UNC5C: variants seen among roughly 807,000 people sequenced by gnomAD.
UNC5C encodes netrin receptor UNC5C.
Under a neutral mutation model 99.8 loss-of-function variants are expected in UNC5C, and 47 were observed. The ratio of observed to expected loss-of-function variants is 0.47; its 90% CI spans 0.37 to 0.60. The LOEUF is 0.60. UNC5C is among the 20% of genes least tolerant of loss of function. UNC5C has a pLI of 0.00. For missense variants in UNC5C, 1,062 were observed against 1,165.9 expected (o/e 0.91, Z 1.30); for synonymous variants, 487 against 452.2 (o/e 1.08, Z -0.98).
intron 3 of UNC5C, among the ~76,000 whole-genome samples, chr4:95,281,384 A>T (rs981791809): frequency 1.8e-4 from 28 of 152,192 alleles, no homozygotes; most frequent in Admixed American, 1.6e-3. Flanking sequence ...GCTTATGAAA[A>T]GCCTTTCTGT....
intron 1 of UNC5C, among the ~76,000 whole-genome samples, chr4:95,435,370 T>A (rs1746745871): frequency 6.6e-6 from 1 of 151,876 alleles, no homozygotes; most frequent in African/African-American, 2.4e-5. Context: ...CACAGCTAGG[T>A]TCACCGTCTT....
chr4:95,370,793 G>A (rs184024988), intron 1 of UNC5C, among the ~76,000 whole-genome samples: 2 of 152,302 alleles, frequency 1.3e-5, no homozygotes, highest in African/African-American at 4.8e-5. Context: ...CATAAGAAAA[G>A]CACTACATGA....
chr4:95,422,771 T>C (rs944250374), intron 1 of UNC5C, among the ~76,000 whole-genome samples: 4 of 152,186 alleles, frequency 2.6e-5, no homozygotes, highest in Non-Finnish European at 4.4e-5. Flanking sequence ...TTTAATTAGT[T>C]TGGCAAATAT....
intron 4 of UNC5C, among the ~76,000 whole-genome samples, chr4:95,252,054 T>C (rs1739765854): frequency 6.6e-6 from 1 of 152,310 alleles, no homozygotes; most frequent in Admixed American, 6.5e-5. Flanking sequence ...TAAATATGTA[T>C]TTTGTTTCCA....
At chr4:95,544,837 C>T (rs150361356) in intron 1 of UNC5C, among the ~76,000 whole-genome samples, 52 of 152,298 alleles carry the variant, frequency 3.4e-4, no homozygotes, top group Admixed American at 2.4e-3. Flanking sequence ...CAATTTTCCC[C>T]ATTATCTTCC....
chr4:95,172,954 A>G (rs1736184329), intron 14 of UNC5C, among the ~76,000 whole-genome samples: 1 of 152,024 alleles, frequency 6.6e-6, no homozygotes, highest in African/African-American at 2.4e-5. Flanking sequence ...GAGGTCCTTC[A>G]TGTCCCTCGT....
chr4:95,186,237 A>G (rs1426250618), intron 12 of UNC5C, among the ~76,000 whole-genome samples: 1 of 151,902 alleles, frequency 6.6e-6, no homozygotes, highest in Non-Finnish European at 1.5e-5. Flanking sequence ...GAATATATGG[A>G]TTTTAGAAAA....
chr4:95,229,195 G>A (rs1291306147), intron 7 of UNC5C, among the ~76,000 whole-genome samples: 1 of 152,050 alleles, frequency 6.6e-6, no homozygotes, highest in Non-Finnish European at 1.5e-5. Context: ...TTGTTACATA[G>A]GTATACACAT....
At chr4:95,537,256 C>A (rs150271726) in intron 1 of UNC5C, among the ~76,000 whole-genome samples, 3 of 152,002 alleles carry the variant, frequency 2.0e-5, no homozygotes, top group East Asian at 3.9e-4. Flanking sequence ...TTCAAGTGAC[C>A]GTTGTGAAAA....
chr4:95,229,764 T>A (rs1387118964), intron 7 of UNC5C, among the ~76,000 whole-genome samples: 2 of 151,406 alleles, frequency 1.3e-5, no homozygotes, highest in African/African-American at 2.4e-5. Flanking sequence ...AGCATTCCTA[T>A]TTCTCCATAT....
chr4:95,317,500 A>T (rs1262409516), intron 2 of UNC5C, among the ~76,000 whole-genome samples: 1 of 152,172 alleles, frequency 6.6e-6, no homozygotes, highest in Non-Finnish European at 1.5e-5. Flanking sequence ...TTTTGATTGT[A>T]TTGGCTATTT....
chr4:95,206,952 A>G (rs1388731217), intron 10 of UNC5C, among the ~76,000 whole-genome samples, 156 bp from the exon 11 acceptor site: 4 of 150,610 alleles, frequency 2.7e-5, no homozygotes, highest in African/African-American at 9.8e-5. Flanking sequence ...TAGGTGATAC[A>G]GAATTAAATG....
intron 1 of UNC5C, among the ~76,000 whole-genome samples, chr4:95,502,536 G>A (rs1378466766): frequency 6.6e-6 from 1 of 152,140 alleles, no homozygotes; most frequent in Non-Finnish European, 1.5e-5. Flanking sequence ...GCCTCCCAAA[G>A]TGTTGAGATT....
At chr4:95,239,442 G>T (rs1560748199) in intron 7 of UNC5C, among the ~76,000 whole-genome samples, 3 of 152,188 alleles carry the variant, frequency 2.0e-5, no homozygotes, top group African/African-American at 7.2e-5. Flanking sequence ...TTTCTTTAGG[G>T]TTCTTATTTC....
chr4:95,194,240 A>G (rs1175313742), intron 12 of UNC5C, among the ~76,000 whole-genome samples: 1 of 152,152 alleles, frequency 6.6e-6, no homozygotes, highest in African/African-American at 2.4e-5. Flanking sequence ...TCTCTCTCAC[A>G]TCTATGTATT....
intron 1 of UNC5C, among the ~76,000 whole-genome samples, chr4:95,441,077 A>G (rs1746938080): frequency 6.6e-6 from 1 of 152,228 alleles, no homozygotes; most frequent in Non-Finnish European, 1.5e-5. Context: ...TACTATTGGA[A>G]TTAAGAATTT....
chr4:95,193,601 G>A (rs182023350), intron 12 of UNC5C, among the ~76,000 whole-genome samples: 63 of 152,268 alleles, frequency 4.1e-4, no homozygotes, highest in African/African-American at 1.3e-3. Flanking sequence ...ATTATCATGT[G>A]TCGAAAACCT....
At chr4:95,356,469 G>A (rs1744208500) in intron 1 of UNC5C, among the ~76,000 whole-genome samples, 1 of 152,060 alleles carries the variant, frequency 6.6e-6, no homozygotes, top group East Asian at 1.9e-4. Context: ...CCATGAGTTC[G>A]AGGCCTTGGT....
intron 12 of UNC5C, among the ~76,000 whole-genome samples, chr4:95,188,169 TTGGAGACTGC>T (rs1420444279): frequency 1.3e-5 from 2 of 152,282 alleles, no homozygotes; most frequent in Non-Finnish European, 2.9e-5. Context: ...AAACTCCATA[TTGGAGACTGC>T]TGGCTCAGAC....
Sources: gnomAD v4.1 joint callset for allele counts (sites outside exome capture counted in the v4.1 genomes callset) on GRCh38, gnomAD v4.1.1 for gene constraint, MANE v1.5 for transcripts, NCBI Gene and HGNC (gene_info 2026-07-23, HGNC 2026-07-21) for gene names.